Variants in EYS observed in about 807,000 individuals in gnomAD.
The protein encoded by EYS is EGF-like photoreceptor maintenance factor, also known as protein eyes shut homolog.
In EYS, 250 loss-of-function variants were observed where a neutral mutation model predicts 282.1. The observed-to-expected ratio is 0.89, with a 90% CI of 0.80 to 0.98. The LOEUF (loss-of-function observed/expected upper bound fraction) is 0.98, where lower values mean the gene tolerates loss of function less well. EYS is among the 50% of genes least tolerant of loss of function. The pLI, the probability that EYS is intolerant of heterozygous loss-of-function variation, is 0.00. For synonymous variants in EYS, 1,355 were observed against 1,282.9 expected (o/e 1.06, Z -1.20); for missense variants, 4,016 against 3,709.0 (o/e 1.08, Z -2.15).
At chr6:65,581,754 A>G (rs1344965406) in intron 2 of EYS, among the ~76,000 whole-genome samples, 1 of 152,164 alleles carries the variant, frequency 6.6e-6, no homozygotes, top group African/African-American at 2.4e-5. Flanking sequence ...AATGAAAATC[A>G]TTTATAAAAA....
intron 10 of EYS, among the ~76,000 whole-genome samples, chr6:65,341,034 C>T (rs1024469584): frequency 1.3e-5 from 2 of 150,784 alleles, no homozygotes; most frequent in Admixed American, 6.6e-5. Context: ...AAAAAAAATT[C>T]GAATATATAC....
chr6:64,945,124 T>TAAAAAA (rs763133866), intron 15 of EYS, among the ~76,000 whole-genome samples: 1 of 112,292 alleles, frequency 8.9e-6, no homozygotes, highest in Non-Finnish European at 1.8e-5. Flanking sequence ...GTTTCTCTAT[T>TAAAAAA]AAAAAAAAAA....
intron 31 of EYS, among the ~76,000 whole-genome samples, chr6:64,193,857 T>C (rs1470031133): frequency 2.6e-5 from 4 of 152,176 alleles, no homozygotes; most frequent in Non-Finnish European, 5.9e-5. Flanking sequence ...TGCGTAGTAT[T>C]CCATGGTGTA....
At chr6:65,660,473 G>C (rs571004690) in intron 1 of EYS, among the ~76,000 whole-genome samples, 1 of 151,784 alleles carries the variant, frequency 6.6e-6, no homozygotes, top group Non-Finnish European at 1.5e-5. Context: ...TTATTTTAAT[G>C]TTTAATTTAT....
intron 12 of EYS, among the ~76,000 whole-genome samples, chr6:65,221,655 C>T (rs1053346422): frequency 6.6e-6 from 1 of 152,212 alleles, no homozygotes. Flanking sequence ...GGAGCCCCCA[C>T]ACAGAGTGCC....
At chr6:64,619,203 T>G (rs1053984983) in intron 23 of EYS, among the ~76,000 whole-genome samples, 4 of 152,200 alleles carry the variant, frequency 2.6e-5, no homozygotes, top group African/African-American at 9.7e-5. Context: ...TTTTTATATA[T>G]TGTATCCTCT....
At chr6:63,759,468 G>A (rs868629998) in intron 41 of EYS, among the ~76,000 whole-genome samples, 1 of 152,006 alleles carries the variant, frequency 6.6e-6, no homozygotes, top group Non-Finnish European at 1.5e-5. Flanking sequence ...CTTTCTCTCC[G>A]AGTTTCACTT....
intron 12 of EYS, among the ~76,000 whole-genome samples, chr6:65,169,180 T>C (rs902870675): frequency 6.6e-6 from 1 of 151,458 alleles, no homozygotes; most frequent in African/African-American, 2.4e-5. Context: ...TCTGTTTTCA[T>C]GTAGAGAAAA....
chr6:65,129,983 G>GA (rs769313112), intron 12 of EYS, among the ~76,000 whole-genome samples: 5 of 151,294 alleles, frequency 3.3e-5, no homozygotes, highest in Non-Finnish European at 5.9e-5. Context: ...GCCATAAAAA[G>GA]AAAAAAAATC....
intron 7 of EYS, among the ~76,000 whole-genome samples, chr6:65,393,525 A>C (rs1000717415): frequency 2.0e-5 from 3 of 152,194 alleles, no homozygotes; most frequent in Non-Finnish European, 2.9e-5. Flanking sequence ...TTCAAAATTA[A>C]TAAGAAAATA....
chr6:64,965,671 G>A (rs937414100), intron 14 of EYS, among the ~76,000 whole-genome samples: 2 of 151,898 alleles, frequency 1.3e-5, no homozygotes, highest in East Asian at 1.9e-4. Context: ...TTTTATAGAG[G>A]TTATCAGATT....
chr6:65,092,762 C>T (rs992750391), intron 12 of EYS, among the ~76,000 whole-genome samples: 1 of 152,060 alleles, frequency 6.6e-6, no homozygotes, highest in Non-Finnish European at 1.5e-5. Context: ...TAACACAGGT[C>T]ATTTGCAATT....
intron 22 of EYS, among the ~76,000 whole-genome samples, chr6:64,712,493 C>T (rs1583069814): frequency 6.6e-6 from 1 of 151,986 alleles, no homozygotes; most frequent in South Asian, 2.1e-4. Flanking sequence ...TGTTCAGCAA[C>T]GAATTAGGAT....
At chr6:65,636,282 C>A (rs1428152056) in intron 2 of EYS, among the ~76,000 whole-genome samples, 1 of 152,198 alleles carries the variant, frequency 6.6e-6, no homozygotes, top group Non-Finnish European at 1.5e-5. Context: ...CAGTCAGTCC[C>A]ACTTCCTCCC....
intron 2 of EYS, among the ~76,000 whole-genome samples, chr6:65,565,396 A>T (rs1769232849): frequency 6.6e-6 from 1 of 152,110 alleles, no homozygotes; most frequent in Non-Finnish European, 1.5e-5. Flanking sequence ...AACCACAATG[A>T]GATACCATCT....
chr6:64,805,666 C>A (rs1764400826), intron 22 of EYS, among the ~76,000 whole-genome samples: 1 of 151,060 alleles, frequency 6.6e-6, no homozygotes, highest in Admixed American at 6.6e-5. Context: ...AAAGCTGGAA[C>A]TATGAAAATT....
At chr6:64,901,294 G>GTATATATACATA (rs1554216266) in intron 18 of EYS, among the ~76,000 whole-genome samples, 3 of 127,720 alleles carry the variant, frequency 2.3e-5, no homozygotes, top group Non-Finnish European at 4.8e-5. Flanking sequence ...ATGTAGTTGA[G>GTATATATACATA]TATATATATA....
intron 14 of EYS, among the ~76,000 whole-genome samples, chr6:64,950,792 C>CATAT (rs762177788): frequency 0.029 from 1,744 of 60,260 alleles, 40 homozygotes; most frequent in Non-Finnish European, 0.036. Flanking sequence ...TACACATATA[C>CATAT]ATATACATAT....
intron 12 of EYS, among the ~76,000 whole-genome samples, chr6:65,127,741 A>G (rs1775761050): frequency 6.6e-6 from 1 of 152,104 alleles, no homozygotes; most frequent in African/African-American, 2.4e-5. Flanking sequence ...TGGTCCCTTC[A>G]GTATCCATTT....
Sources: allele counts gnomAD v4.1 joint callset (sites outside exome capture counted in the v4.1 genomes callset), GRCh38; gene constraint gnomAD v4.1.1; transcripts MANE v1.5; gene names NCBI Gene and HGNC (gene_info 2026-07-23, HGNC 2026-07-21).